ROCK1: variants seen among roughly 807,000 people sequenced by gnomAD.
ROCK1 encodes the protein Rho associated coiled-coil containing protein kinase 1, also known as rho-associated protein kinase 1.
ROCK1 carries 36 observed loss-of-function variants against 196.8 expected under a neutral mutation model. The ratio of observed to expected loss-of-function variants is 0.18; its 90% CI spans 0.14 to 0.24. ROCK1 has a LOEUF of 0.24. Ranked by LOEUF, ROCK1 falls within the 10% of genes least tolerant of loss-of-function variation. The pLI is 1.00. For missense variants in ROCK1, 920 were observed against 1,562.0 expected, an observed-to-expected ratio of 0.59 and a Z score of 6.93; for synonymous variants, 443 against 515.9, an observed-to-expected ratio of 0.86 and a Z score of 1.91.
At chr18:20,985,817 G>C (rs899183417) in intron 19 of ROCK1, among the ~76,000 whole-genome samples, 1 of 152,036 alleles carries the variant, frequency 6.6e-6, no homozygotes, top group Non-Finnish European at 1.5e-5. Context: ...CTACCAGATT[G>C]ATTTTTCTAA....
In ROCK1 at chr18:20,959,120, A is replaced by T. The variant is rs1475348025; in HGVS notation, c.3512+720T>A. Among the ~76,000 whole-genome samples, 5 of 53,312 alleles carry T rather than the reference A, an allele frequency of 9.4e-5. 1 individual carries two copies. The highest frequency in any genetic ancestry group is 3.9e-4 in the African/African-American group (3 of 7,626). 35.0% of individuals were successfully genotyped at this position (53,312 alleles called of 152,430 possible). ...TATATATATTATATATATATTATAT[A>T]ATATATATATTATATATATTATATA... On this transcript the variant is annotated intron_variant, in intron 29 of 32. Coordinates refer to ENST00000399799, the MANE Select transcript of ROCK1 (RefSeq NM_005406.3).
chr18:20,993,491 G>A (rs1392186350), intron 16 of ROCK1, among the ~76,000 whole-genome samples: 3 of 152,144 alleles, frequency 2.0e-5, no homozygotes, highest in Non-Finnish European at 4.4e-5. Flanking sequence ...GTGAGCCACC[G>A]CGCCCGGCAC....
chr18:21,044,798 AGAATACATTTATATCAACATTAAATT>A (rs2036140850), intron 5 of ROCK1, among the ~76,000 whole-genome samples: 1 of 152,222 alleles, frequency 6.6e-6, no homozygotes, highest in Admixed American at 6.5e-5. Context: ...GGGATATTAA[AGAATACATTTATATCAACATTAAATT>A]GAAATGCTAA....
intron 1 of ROCK1, among the ~76,000 whole-genome samples, chr18:21,079,733 G>A (rs576326654): frequency 7.2e-5 from 11 of 152,254 alleles, no homozygotes; most frequent in African/African-American, 2.6e-4. Context: ...TAAAAGAACT[G>A]GGTCGATTGT....
intron 4 of ROCK1, 43 bp downstream of exon 4, chr18:21,049,049 T>A (rs747817924): frequency 6.8e-7 from 1 of 1,475,234 alleles, no homozygotes; most frequent in Admixed American, 2.1e-5. Flanking sequence ...CATGTTTAGT[T>A]ACAAACTAAT....
rs763593419 is a variant in ROCK1 at position 20,959,943 on chromosome 18, A to AG, written c.3424-16dup. On this transcript the variant is annotated splice_polypyrimidine_tract_variant and intron_variant, in intron 28 of 32. Coordinates refer to ENST00000399799, the MANE Select transcript of ROCK1 (RefSeq NM_005406.3). ...ACCACAACATACTGAAATAAGAAAA[A>AG]GGGGGGAAGAGTTACAAGAGCAACA... is the stretch of plus-strand genomic sequence containing the variant. 3.3e-5 allele frequency: 49 copies of AG among 1,494,258 alleles called. No homozygotes were observed. Among genetic ancestry groups the AG allele is most frequent in the Non-Finnish European group, 4.5e-5 (48 of 1,077,978 alleles). 92.6% of individuals were successfully genotyped at this position (1,494,258 alleles called of 1,614,324 possible).
intron 11 of ROCK1, among the ~76,000 whole-genome samples, chr18:21,021,515 T>C (rs2143464846): frequency 6.6e-6 from 1 of 152,128 alleles, no homozygotes; most frequent in African/African-American, 2.4e-5. Context: ...TCCAAAGAAG[T>C]AGGAAGCAGT....
At chr18:21,019,360 G>A (rs1015800998) in intron 12 of ROCK1, among the ~76,000 whole-genome samples, 1 of 152,030 alleles carries the variant, frequency 6.6e-6, no homozygotes, top group Non-Finnish European at 1.5e-5. Flanking sequence ...TCGCCATGTT[G>A]GCCTGGCTGG....
chr18:20,961,795 T>C (rs1294708847), intron 27 of ROCK1, among the ~76,000 whole-genome samples: 1 of 151,548 alleles, frequency 6.6e-6, no homozygotes, highest in East Asian at 1.9e-4. Flanking sequence ...GATCCCTCTC[T>C]TCTCCCAACA....
chr18:21,109,234 A>G (rs2036728544), intron 1 of ROCK1, among the ~76,000 whole-genome samples: 1 of 152,196 alleles, frequency 6.6e-6, no homozygotes, highest in Non-Finnish European at 1.5e-5. Flanking sequence ...CATTAAATAG[A>G]TTGGACTCTC....
intron 1 of ROCK1, among the ~76,000 whole-genome samples, chr18:21,107,949 G>C (rs571888614): frequency 9.6e-4 from 146 of 152,074 alleles, no homozygotes; most frequent in Middle Eastern, 3.2e-3. Context: ...AACTACTCGT[G>C]GGGGCTGAGG....
chr18:21,006,826 CA>C (rs1399430558), intron 14 of ROCK1, 36 bp from the exon 15 acceptor site: 1 of 1,312,064 alleles, frequency 7.6e-7, no homozygotes, highest in Non-Finnish European at 1.1e-6. Flanking sequence ...GAAATTACAA[CA>C]TTTTCATAGG....
intron 12 of ROCK1, among the ~76,000 whole-genome samples, chr18:21,016,623 A>G (rs2035865017): frequency 6.6e-6 from 1 of 152,022 alleles, no homozygotes. Flanking sequence ...CCAAAATAGA[A>G]CTTACTGCCT....
chr18:20,962,676 C>T (rs890424035), intron 27 of ROCK1, among the ~76,000 whole-genome samples: 1 of 151,940 alleles, frequency 6.6e-6, no homozygotes, highest in Non-Finnish European at 1.5e-5. Flanking sequence ...TCTACATTTG[C>T]TCATATTTAA....
Position 20,969,199 on chromosome 18 carries a change from C to T in ROCK1, c.2830G>A (p.Ala944Thr), listed in dbSNP as rs1193591404. The change falls in exon 24 of 33, where the codon GCA becomes ACA. Residue 944 changes from alanine (A) to threonine (T), a missense_variant. Coordinates refer to ENST00000399799, the MANE Select transcript of ROCK1 (RefSeq NM_005406.3). ...KDHTVSRLEEANSMLTKDIEI... is the reference protein window; with the variant it reads ...KDHTVSRLEETNSMLTKDIEI... ...ATATCTTTGGTTAGCATGCTGTTTG[C>T]TTCTTCAAGCTAAACAAAGCACACA... is the stretch of plus-strand genomic sequence containing the variant. 6.3e-7 allele frequency: 1 copy of T among 1,597,022 alleles called. No individual in the cohort carries two copies.
chr18:21,042,060 T>C (rs2036111804), intron 8 of ROCK1, 37 bp downstream of exon 8: 1 of 1,574,028 alleles, frequency 6.4e-7, no homozygotes, highest in Non-Finnish European at 8.6e-7. Flanking sequence ...TGAGAAGTCC[T>C]CAGAATTAAT....
At chr18:20,971,713 TAAATAAAG>T (rs1402817627) in intron 22 of ROCK1, among the ~76,000 whole-genome samples, 18 of 112,988 alleles carry the variant, frequency 1.6e-4, no homozygotes, top group Non-Finnish European at 3.1e-4. Context: ...AATAAATAAA[TAAATAAAG>T]AGACACAGCA....
At chr18:20,958,859 AAAAT>A (rs1202793164) in intron 29 of ROCK1, among the ~76,000 whole-genome samples, 1 of 126,014 alleles carries the variant, frequency 7.9e-6, no homozygotes, top group Admixed American at 1.1e-4. Flanking sequence ...TAATAGTTAT[AAAAT>A]ATATATATTA....
chr18:21,039,396 A>G (rs2143498712), intron 9 of ROCK1, 76 bp downstream of exon 9: 1 of 950,982 alleles, frequency 1.1e-6, no homozygotes, highest in Non-Finnish European at 1.6e-6. Flanking sequence ...ACAAATATTT[A>G]GCAATGTAGT....
Sources: gnomAD v4.1 joint callset for allele counts (sites outside exome capture counted in the v4.1 genomes callset) on GRCh38, gnomAD v4.1.1 for gene constraint, MANE v1.5 for transcripts, NCBI Gene and HGNC (gene_info 2026-07-23, HGNC 2026-07-21) for gene names.